The following TBC1D1 variants were observed in gnomAD, a reference collection of about 807,000 sequenced individuals.
The protein encoded by TBC1D1 is TBC1 domain family member 1.
TBC1D1 carries 89 observed loss-of-function variants against 125.6 expected under a neutral mutation model. The observed-to-expected ratio is 0.71, with a 90% CI of 0.60 to 0.85. TBC1D1 has a LOEUF of 0.85. Among genes scored for constraint, TBC1D1 ranks in the 40% least tolerant of loss-of-function variants. TBC1D1 has a pLI of 0.00. For synonymous variants in TBC1D1, 565 were observed against 564.1 expected, an observed-to-expected ratio of 1.00 and a Z score of -0.02; for missense variants, 1,377 against 1,469.2, an observed-to-expected ratio of 0.94 and a Z score of 1.03.
intron 18 of TBC1D1, among the ~76,000 whole-genome samples, chr4:38,131,853 C>T (rs1393723944): frequency 6.6e-6 from 1 of 152,190 alleles, no homozygotes; most frequent in Non-Finnish European, 1.5e-5. Flanking sequence ...ACACACACCC[C>T]ACAGATATAA....
rs756277661 is a variant in TBC1D1, at chr4:38,021,724, TA to T, written c.1210+7del. 1 of 1,543,670 alleles carries T rather than the reference TA, an allele frequency of 6.5e-7. No individual in the cohort carries two copies. Among genetic ancestry groups the T allele is most frequent in the African/African-American group, 1.4e-5 (1 of 71,850 alleles). The stretch of plus-strand genomic sequence containing the variant: ...GCTCTGTGAGAGGATAGAGGGTGAG[TA>T]GGGGACCCTTTCCAGCATGAACACA... On this transcript the variant is annotated splice_region_variant and intron_variant, in intron 6 of 19. Transcript: ENST00000261439.
At chr4:38,125,440 A>G (rs1157770295) in intron 18 of TBC1D1, among the ~76,000 whole-genome samples, 2 of 152,162 alleles carry the variant, frequency 1.3e-5, no homozygotes, top group East Asian at 3.8e-4. Flanking sequence ...TGAAACATAT[A>G]TATATTTATG....
chr4:38,091,932 C>A (rs1219871658), intron 13 of TBC1D1, among the ~76,000 whole-genome samples: 1 of 152,180 alleles, frequency 6.6e-6, no homozygotes, highest in Non-Finnish European at 1.5e-5. Context: ...TGTTTGACTT[C>A]ATTTCTCTTC....
chr4:38,068,507 A>C (rs956341286), intron 12 of TBC1D1, among the ~76,000 whole-genome samples: 1 of 152,170 alleles, frequency 6.6e-6, no homozygotes, highest in Non-Finnish European at 1.5e-5. Flanking sequence ...CCTCAGGCGT[A>C]GTCAGCCTCT....
chr4:37,940,004 A>G (rs1412675328), intron 2 of TBC1D1, among the ~76,000 whole-genome samples: 5 of 152,150 alleles, frequency 3.3e-5, no homozygotes, highest in African/African-American at 9.7e-5. Context: ...TTGGCAATGC[A>G]GGCTCTTTTT....
chr4:38,037,660 G>A (rs1434089660), intron 8 of TBC1D1, among the ~76,000 whole-genome samples: 3 of 152,188 alleles, frequency 2.0e-5, no homozygotes, highest in Non-Finnish European at 2.9e-5. Flanking sequence ...GACATAGACC[G>A]TGGTAGGATC....
chr4:37,985,213 A>G (rs1351383159), intron 2 of TBC1D1, among the ~76,000 whole-genome samples: 1 of 152,188 alleles, frequency 6.6e-6, no homozygotes, highest in Non-Finnish European at 1.5e-5. Context: ...TCAGCCTCCC[A>G]AAGTGCTGGG....
intron 12 of TBC1D1, among the ~76,000 whole-genome samples, chr4:38,084,278 G>A (rs1757101698): frequency 6.6e-6 from 1 of 152,194 alleles, no homozygotes; most frequent in South Asian, 2.1e-4. Context: ...TAGCTAGACT[G>A]TCATATAATG....
At chr4:38,116,082 G>C (rs1762939499) in intron 16 of TBC1D1, 128 bp downstream of exon 18, 1 of 1,004,704 alleles carries the variant, frequency 1.0e-6, no homozygotes, top group East Asian at 2.5e-5. Flanking sequence ...GCTGATAAAG[G>C]ACTCTGTGCT....
chr4:37,948,331 A>G (rs7656750), intron 2 of TBC1D1, among the ~76,000 whole-genome samples: 26,671 of 152,080 alleles, frequency 0.18, 2,890 homozygotes, highest in East Asian at 0.6. Flanking sequence ...ATACCATAAA[A>G]TTCACCCATT....
At chr4:38,019,026 C>T (rs1743432293) in intron 4 of TBC1D1, among the ~76,000 whole-genome samples, 1 of 152,102 alleles carries the variant, frequency 6.6e-6, no homozygotes, top group South Asian at 2.1e-4. Context: ...TCTCAGAGTA[C>T]AGTGTCTACT....
chr4:37,900,131 G>GA (rs545252964), intron 1 of TBC1D1, among the ~76,000 whole-genome samples: 17,193 of 118,494 alleles, frequency 0.15, 1,280 homozygotes, highest in African/African-American at 0.25. Flanking sequence ...AAAAAAAAAA[G>GA]AAAAAAAAAA....
chr4:38,073,918 T>C (rs12642052), intron 12 of TBC1D1, among the ~76,000 whole-genome samples: 33,767 of 152,176 alleles, frequency 0.22, 4,114 homozygotes, highest in East Asian at 0.45. Flanking sequence ...ATTTTTAATG[T>C]CAGTGGACTT....
intron 2 of TBC1D1, among the ~76,000 whole-genome samples, chr4:37,969,586 T>G (rs1035341867): frequency 6.6e-6 from 1 of 152,182 alleles, no homozygotes; most frequent in African/African-American, 2.4e-5. Flanking sequence ...CCTCGGGTGA[T>G]CCACTGCCTC....
intron 17 of TBC1D1, among the ~76,000 whole-genome samples, chr4:38,124,129 A>G (rs1764273235): frequency 6.6e-6 from 1 of 152,130 alleles, no homozygotes; most frequent in Admixed American, 6.5e-5. Flanking sequence ...TTTTTCTTAT[A>G]TTATTATTCT....
intron 12 of TBC1D1, 139 bp downstream of exon 14, chr4:38,054,477 G>A: frequency 8.8e-7 from 1 of 1,131,588 alleles, no homozygotes; most frequent in Non-Finnish European, 1.2e-6. Flanking sequence ...AGGTAACTAG[G>A]GAGGGAATTT....
At chr4:37,998,896 T>G (rs1738411095) in intron 2 of TBC1D1, among the ~76,000 whole-genome samples, 2 of 152,220 alleles carry the variant, frequency 1.3e-5, no homozygotes. Context: ...TGTATTTGAT[T>G]ATATAAAATA....
chr4:38,132,510 G>T (rs1342131500), intron 18 of TBC1D1, among the ~76,000 whole-genome samples: 1 of 152,148 alleles, frequency 6.6e-6, no homozygotes, highest in Non-Finnish European at 1.5e-5. Context: ...GCATCGTTTC[G>T]TATTCACTCA....
intron 12 of TBC1D1, among the ~76,000 whole-genome samples, chr4:38,069,568 T>C (rs994224212): frequency 1.3e-5 from 2 of 152,108 alleles, no homozygotes; most frequent in African/African-American, 4.8e-5. Flanking sequence ...GCCATGTAAT[T>C]TTTTTTTCCT....
Sources: allele counts gnomAD v4.1 joint callset (sites outside exome capture counted in the v4.1 genomes callset), GRCh38; gene constraint gnomAD v4.1.1; transcripts MANE v1.5; gene names NCBI Gene and HGNC (gene_info 2026-07-23, HGNC 2026-07-21).